EPYC: variants seen among roughly 807,000 people sequenced by gnomAD.
The protein encoded by EPYC is epiphycan.
Under a neutral mutation model 30.1 loss-of-function variants are expected in EPYC, and 28 were observed. That is an observed-to-expected ratio of 0.93 (90% CI 0.69 to 1.28). The LOEUF (loss-of-function observed/expected upper bound fraction) is 1.28, where lower values mean the gene tolerates loss of function less well. Among genes scored for constraint, EPYC ranks in the 50% most tolerant of loss-of-function variants. The pLI, the probability that EPYC is intolerant of heterozygous loss-of-function variation, is 0.00. For synonymous variants in EPYC, 144 were observed against 141.4 expected, an observed-to-expected ratio of 1.02 and a Z score of -0.13; for missense variants, 382 against 383.5, an observed-to-expected ratio of 1.00 and a Z score of 0.03.
At position 91,000,959 on chromosome 12, in the gene EPYC, A is replaced by T. The variant is rs967673150; in HGVS notation, c.165+1442T>A. ...ATCAACCATAAATTCTCAACAGAAA[A>T]TCCTGTTAACAGACAGAATCCATAC... is the stretch of plus-strand genomic sequence containing the variant. On this transcript the variant is annotated intron_variant, in intron 2 of 6. Coordinates refer to ENST00000261172, the MANE Select transcript of EPYC (RefSeq NM_004950.5). Among the ~76,000 whole-genome samples the T allele has an allele frequency of 2.6e-5, 4 of 152,110 alleles. No individual in the cohort carries two copies. The East Asian group carries it at 7.7e-4, about 29-fold the overall frequency.
intron 2 of EPYC, among the ~76,000 whole-genome samples, chr12:90,989,634 A>G (rs1257312146): frequency 6.6e-6 from 1 of 152,022 alleles, no homozygotes; most frequent in Non-Finnish European, 1.5e-5. Flanking sequence ...AAGAAATAAG[A>G]GCTGATTTTA....
intron 2 of EPYC, among the ~76,000 whole-genome samples, chr12:90,998,358 C>T (rs1438805156): frequency 6.6e-6 from 1 of 152,042 alleles, no homozygotes; most frequent in Non-Finnish European, 1.5e-5. Flanking sequence ...ATATATAGCA[C>T]TCTGATGGCA....
At chr12:91,000,959 A>G (rs967673150) in intron 2 of EPYC, among the ~76,000 whole-genome samples, 3 of 152,110 alleles carry the variant, frequency 2.0e-5, no homozygotes, top group African/African-American at 7.2e-5. Flanking sequence ...TCAACAGAAA[A>G]TCCTGTTAAC....
At chr12:90,968,612 C>T (rs1876958081) in intron 6 of EPYC, among the ~76,000 whole-genome samples, 1 of 152,114 alleles carries the variant, frequency 6.6e-6, no homozygotes, top group Non-Finnish European at 1.5e-5. Context: ...TTAAGTTGCA[C>T]TTATTGACTT....
intron 3 of EPYC, 35 bp downstream of exon 3, chr12:90,978,053 G>A (rs773842700): frequency 9.3e-6 from 14 of 1,503,966 alleles, no homozygotes; most frequent in Non-Finnish European, 1.2e-5. Flanking sequence ...ATGACAAAGT[G>A]GACTCAATTG....
At chr12:90,969,157 G>A (rs1876972436) in intron 6 of EPYC, among the ~76,000 whole-genome samples, 1 of 151,788 alleles carries the variant, frequency 6.6e-6, no homozygotes, top group African/African-American at 2.4e-5. Flanking sequence ...GGGAAACACA[G>A]GAATTCATGT....
chr12:90,982,218 A>T (rs984912732), intron 2 of EPYC, among the ~76,000 whole-genome samples: 2 of 152,174 alleles, frequency 1.3e-5, no homozygotes, highest in Non-Finnish European at 2.9e-5. Flanking sequence ...ACAGCAATAG[A>T]CTACTGATAT....
Position 91,000,500 on chromosome 12 carries a change from T to C in EPYC, c.165+1901A>G, listed in dbSNP as rs146275314. On this transcript the variant is annotated intron_variant, in intron 2 of 6. Coordinates refer to ENST00000261172, the MANE Select transcript of EPYC (RefSeq NM_004950.5). ...ACAGCTTTATGGGCAGTGAAAATGA[T>C]CCTGATGGTAAGGAATGGGTTAAAA... Among the ~76,000 whole-genome samples the C allele has an allele frequency of 2.8e-3, 429 of 152,210 alleles. 3 individuals carry two copies. The highest frequency in any genetic ancestry group is 9.8e-3 in the African/African-American group (408 of 41,568).
chr12:91,002,303 A>T, intron 2 of EPYC, 98 bp downstream of exon 2: 1 of 993,692 alleles, frequency 1.0e-6, no homozygotes, highest in Non-Finnish European at 1.5e-6. Flanking sequence ...AAATCTTTCT[A>T]CTTATAAAAA....
chr12:91,002,211 A>AAAAAAAAAG (rs1555216339), intron 2 of EPYC, among the ~76,000 whole-genome samples, 190 bp downstream of exon 2: 4 of 140,286 alleles, frequency 2.9e-5, no homozygotes, highest in Non-Finnish European at 4.7e-5. Context: ...AAAAAAAAAA[A>AAAAAAAAAG]GGGCAAAAGA....
At position 90,964,323 on chromosome 12, in the gene EPYC, T is replaced by A; in HGVS notation, c.802A>T (p.Asn268Tyr). The A allele has an allele frequency of 6.2e-7, 1 of 1,601,316 alleles. No individual in the cohort carries two copies. The highest frequency in any genetic ancestry group is 8.5e-7 in the Non-Finnish European group (1 of 1,169,598). ...ENLRALHLQN[N>Y]NILEMHEDTF... ...TCTTCGTGCATTTCCAGAATGTTGT[T>A]ATTCTAAAAAAGATGAAAATAAATT... is the stretch of plus-strand genomic sequence containing the variant. Residue 268 changes from asparagine to tyrosine, a missense_variant, in exon 7 of 7, where the codon AAC becomes TAC. Transcript: ENST00000261172.
At chr12:90,991,645 G>T (rs1234039445) in intron 2 of EPYC, among the ~76,000 whole-genome samples, 1 of 152,128 alleles carries the variant, frequency 6.6e-6, no homozygotes, top group Non-Finnish European at 1.5e-5. Flanking sequence ...ATAAAATTAA[G>T]AAGCATATTA....
intron 2 of EPYC, 56 bp downstream of exon 2, chr12:91,002,345 C>G: frequency 1.3e-6 from 2 of 1,495,336 alleles, no homozygotes; most frequent in South Asian, 2.5e-5. Context: ...AAAACAGACC[C>G]AAGTCATTCC....
intron 6 of EPYC, among the ~76,000 whole-genome samples, chr12:90,967,133 C>G (rs1224239188): frequency 6.6e-6 from 1 of 151,912 alleles, no homozygotes; most frequent in Non-Finnish European, 1.5e-5. Context: ...TTTATTATTT[C>G]TATTCTGCTT....
At chr12:90,970,350 C>A (rs1274507292) in intron 5 of EPYC, among the ~76,000 whole-genome samples, 2 of 152,112 alleles carry the variant, frequency 1.3e-5, no homozygotes, top group Non-Finnish European at 2.9e-5. Flanking sequence ...TGGCTACAAG[C>A]AAATATTTCT....
intron 2 of EPYC, among the ~76,000 whole-genome samples, chr12:90,982,407 GA>G (rs893094581): frequency 8.6e-5 from 13 of 151,822 alleles, no homozygotes; most frequent in African/African-American, 2.9e-4. Flanking sequence ...CATCACCCAA[GA>G]AAAAAACTCT....
intron 3 of EPYC, among the ~76,000 whole-genome samples, chr12:90,974,075 C>T (rs893757981): frequency 6.6e-6 from 1 of 151,208 alleles, no homozygotes; most frequent in African/African-American, 2.4e-5. Context: ...CACACACACC[C>T]CTACCTCTCC....
At chr12:90,967,113 T>C (rs1347270888) in intron 6 of EPYC, among the ~76,000 whole-genome samples, 1 of 152,056 alleles carries the variant, frequency 6.6e-6, no homozygotes, top group African/African-American at 2.4e-5. Flanking sequence ...TTACTTATTC[T>C]GCTTTAATTT....
intron 2 of EPYC, among the ~76,000 whole-genome samples, chr12:90,982,590 C>T (rs918376029): frequency 4.6e-5 from 7 of 152,026 alleles, no homozygotes; most frequent in African/African-American, 1.7e-4. Context: ...ATTCTTTTCT[C>T]TCCTCTTTAA....
Sources: allele counts gnomAD v4.1 joint callset (sites outside exome capture counted in the v4.1 genomes callset), GRCh38; gene constraint gnomAD v4.1.1; transcripts MANE v1.5; gene names NCBI Gene and HGNC (gene_info 2026-07-23, HGNC 2026-07-21).